The following DRC10 variants were observed in gnomAD, a reference collection of about 807,000 sequenced individuals.
The protein encoded by DRC10 is IQ domain-containing protein D.
At chr12:113,205,686 G>A in the DRC10 span, among the ~76,000 whole-genome samples, 1 of 150,054 alleles carries the variant, frequency 6.7e-6, no homozygotes, top group Non-Finnish European at 1.5e-5. Context: ...TCAGGAGATC[G>A]AGACCATCCT....
At chr12:113,200,826 G>T in the DRC10 span, 2 of 1,516,500 alleles carry the variant, frequency 1.3e-6, no homozygotes, top group South Asian at 1.2e-5. Flanking sequence ...AAGCCAGGAA[G>T]AGAAAGGGCT....
chr12:113,220,365 C>G, the DRC10 span, among the ~76,000 whole-genome samples: 1 of 152,184 alleles, frequency 6.6e-6, no homozygotes, highest in Non-Finnish European at 1.5e-5. Context: ...AAGTGATTCT[C>G]GTGCCTTAGC....
At chr12:113,200,547 C>CCA in the DRC10 span, 1 of 1,453,428 alleles carries the variant, frequency 6.9e-7, no homozygotes, top group Non-Finnish European at 9.3e-7. Flanking sequence ...ACCAGGGGCC[C>CCA]CCTCGGCCCA....
At chr12:113,213,317 G>A in the DRC10 span, among the ~76,000 whole-genome samples, 1 of 152,030 alleles carries the variant, frequency 6.6e-6, no homozygotes, top group Non-Finnish European at 1.5e-5. Flanking sequence ...TTCATGTCAT[G>A]GGGGTTTGGT....
At chr12:113,196,684 A>G in the DRC10 span, among the ~76,000 whole-genome samples, 1 of 152,162 alleles carries the variant, frequency 6.6e-6, no homozygotes, top group Non-Finnish European at 1.5e-5. Flanking sequence ...GGCTCACTCC[A>G]GCGCATATTA....
the DRC10 span, among the ~76,000 whole-genome samples, chr12:113,218,658 T>G: frequency 6.6e-6 from 1 of 150,478 alleles, no homozygotes; most frequent in African/African-American, 2.5e-5. Context: ...ACCAGGCTCC[T>G]AGGCTCAAAC....
chr12:113,211,852 G>A, the DRC10 span, among the ~76,000 whole-genome samples: 2 of 152,098 alleles, frequency 1.3e-5, no homozygotes, highest in African/African-American at 4.8e-5. Flanking sequence ...GATTCCTTGA[G>A]CCCAGGAGTT....
chr12:113,205,820 C>T, the DRC10 span, among the ~76,000 whole-genome samples: 1 of 140,960 alleles, frequency 7.1e-6, no homozygotes, highest in Non-Finnish European at 1.5e-5. Context: ...ACCCGGGAAG[C>T]GGAGCTTGCA....
the DRC10 span, among the ~76,000 whole-genome samples, chr12:113,196,672 T>C: frequency 6.6e-6 from 1 of 152,180 alleles, no homozygotes; most frequent in African/African-American, 2.4e-5. Flanking sequence ...ACACCTGGCT[T>C]TGGCTCACTC....
the DRC10 span, chr12:113,200,518 A>T: frequency 9.1e-7 from 1 of 1,096,974 alleles, no homozygotes; most frequent in Non-Finnish European, 1.3e-6. Context: ...GTGATGGAAC[A>T]GTCCCACCCA....
chr12:113,197,636 T>C, the DRC10 span: 4 of 1,421,506 alleles, frequency 2.8e-6, no homozygotes, highest in African/African-American at 2.8e-5. Context: ...AATTTGTCAT[T>C]GTTTGATGGA....
the DRC10 span, among the ~76,000 whole-genome samples, chr12:113,217,827 T>C: frequency 6.6e-6 from 1 of 152,132 alleles, no homozygotes; most frequent in Non-Finnish European, 1.5e-5. Context: ...CCACTGCCCC[T>C]GGCCTCCACT....
At chr12:113,219,436 T>C in the DRC10 span, among the ~76,000 whole-genome samples, 2 of 152,216 alleles carry the variant, frequency 1.3e-5, no homozygotes, top group South Asian at 4.1e-4. Flanking sequence ...CTACAGTTTG[T>C]TTATTTATCT....
chr12:113,195,704 G>A, the DRC10 span: 2 of 1,613,738 alleles, frequency 1.2e-6, no homozygotes, highest in Non-Finnish European at 1.7e-6. Flanking sequence ...ATAGGGCCTG[G>A]ATGAGCGTGG....
chr12:113,201,816 A>T, the DRC10 span, among the ~76,000 whole-genome samples: 1 of 152,200 alleles, frequency 6.6e-6, no homozygotes, highest in Non-Finnish European at 1.5e-5. Flanking sequence ...GGGGGCAGGG[A>T]GGCAGTGCCT....
the DRC10 span, among the ~76,000 whole-genome samples, chr12:113,220,119 C>G: frequency 6.6e-6 from 1 of 151,986 alleles, no homozygotes; most frequent in African/African-American, 2.4e-5. Context: ...CCACCGCGCC[C>G]GGCCCTTAGC....
chr12:113,216,764 G>A, the DRC10 span, among the ~76,000 whole-genome samples: 13 of 152,248 alleles, frequency 8.5e-5, no homozygotes, highest in African/African-American at 3.1e-4. Context: ...ACTGGGACTA[G>A]AGTTAAAATT....
At chr12:113,212,383 T>C in the DRC10 span, among the ~76,000 whole-genome samples, 2 of 152,052 alleles carry the variant, frequency 1.3e-5, no homozygotes, top group Non-Finnish European at 2.9e-5. Context: ...TCCTATCTTG[T>C]AAGTGAAAAA....
chr12:113,199,726 T>C, the DRC10 span, among the ~76,000 whole-genome samples: 1 of 152,080 alleles, frequency 6.6e-6, no homozygotes, highest in Non-Finnish European at 1.5e-5. Flanking sequence ...TTTTGGGTTT[T>C]TTTTTTTAAG....
Sources: gnomAD v4.1 joint callset for allele counts (sites outside exome capture counted in the v4.1 genomes callset) on GRCh38, gnomAD v4.1.1 for gene constraint, MANE v1.5 for transcripts, NCBI Gene and HGNC (gene_info 2026-07-23, HGNC 2026-07-21) for gene names.